The following CRYL1 variants were observed in gnomAD, a reference collection of about 807,000 sequenced individuals.
The protein encoded by CRYL1 is lambda-crystallin homolog.
In CRYL1, 29 loss-of-function variants were observed where a neutral mutation model predicts 36.6. That is an observed-to-expected ratio of 0.79 (90% confidence interval 0.59 to 1.08). The LOEUF is 1.08. Among genes scored for constraint, CRYL1 ranks in the 50% least tolerant of loss-of-function variants. The pLI, the probability that CRYL1 is intolerant of heterozygous loss-of-function variation, is 0.00. For synonymous variants in CRYL1, 152 were observed against 151.5 expected, an observed-to-expected ratio of 1.00 and a Z score of -0.02; for missense variants, 411 against 407.9, an observed-to-expected ratio of 1.01 and a Z score of -0.06.
chr13:20,443,281 C>G (rs2032384522), intron 3 of CRYL1, among the ~76,000 whole-genome samples: 1 of 152,150 alleles, frequency 6.6e-6, no homozygotes, highest in South Asian at 2.1e-4. Flanking sequence ...AGTTTAGCCA[C>G]TTGCTTATGC....
intron 2 of CRYL1, among the ~76,000 whole-genome samples, chr13:20,510,922 T>C (rs947999626): frequency 6.6e-6 from 1 of 152,136 alleles, no homozygotes; most frequent in African/African-American, 2.4e-5. Context: ...AAAAAAAGAC[T>C]GTGTCTACAT....
chr13:20,467,825 C>G (rs963686424), intron 3 of CRYL1, among the ~76,000 whole-genome samples: 8 of 152,156 alleles, frequency 5.3e-5, no homozygotes, highest in Non-Finnish European at 1.2e-4. Flanking sequence ...CTGCAACGCC[C>G]GGTGCCTCAG....
At chr13:20,461,969 GCAGCC>G in intron 3 of CRYL1, among the ~76,000 whole-genome samples, 1 of 127,052 alleles carries the variant, frequency 7.9e-6, no homozygotes, top group Admixed American at 7.9e-5. Flanking sequence ...AGGTGGGAGG[GCAGCC>G]TGGGGGAGGA....
intron 5 of CRYL1, chr13:20,430,118 C>T (rs1339703735): frequency 1.2e-6 from 1 of 850,560 alleles, no homozygotes; most frequent in Non-Finnish European, 1.4e-6. Context: ...TCCCACCCCA[C>T]CCCTGCCAGG....
intron 1 of CRYL1, among the ~76,000 whole-genome samples, chr13:20,522,441 C>G (rs2034111905): frequency 6.6e-6 from 1 of 151,942 alleles, no homozygotes; most frequent in African/African-American, 2.4e-5. Flanking sequence ...TTCTTTCTTG[C>G]CTTTCTAGTT....
chr13:20,493,548 T>A (rs1311795633), intron 2 of CRYL1, among the ~76,000 whole-genome samples: 1 of 152,118 alleles, frequency 6.6e-6, no homozygotes, highest in Non-Finnish European at 1.5e-5. Flanking sequence ...TAATCCCAGC[T>A]ACTTAGGAGG....
chr13:20,449,936 A>G (rs2032533498), intron 3 of CRYL1, among the ~76,000 whole-genome samples: 1 of 152,220 alleles, frequency 6.6e-6, no homozygotes, highest in African/African-American at 2.4e-5. Flanking sequence ...GCCACAAGAA[A>G]TCACAGATAA....
chr13:20,403,936 G>C lies in CRYL1; in HGVS notation c.*193C>G, dbSNP rs1375827693. 2.4e-6 allele frequency: 1 copy of C among 421,286 alleles called. No individual in the cohort carries two copies. Among genetic ancestry groups the C allele is most frequent in the Non-Finnish European group, 4.2e-6 (1 of 237,304 alleles). The allele number at this position is 421,286 out of a possible 1,614,324, so 26.1% of individuals were successfully genotyped here. A position where few individuals can be genotyped will look rare whatever the true frequency, so the allele number is the denominator to read the frequency against. ...CCGAGAACGCAAGTGCTGCTGTGCCGCCAGGCCCAGGGCTATGATCCAAAG... is the reference window on the plus strand; with the variant it reads ...CCGAGAACGCAAGTGCTGCTGTGCCCCCAGGCCCAGGGCTATGATCCAAAG... On this transcript the variant is annotated 3_prime_UTR_variant, in exon 8 of 8. Transcript: ENST00000298248.
chr13:20,437,452 C>T (rs975090692), intron 4 of CRYL1, among the ~76,000 whole-genome samples: 7 of 152,096 alleles, frequency 4.6e-5, no homozygotes, highest in Non-Finnish European at 8.8e-5. Flanking sequence ...GGACTACAGG[C>T]GACCGCCACC....
Position 20,404,032 on chromosome 13 carries a change from T to C in CRYL1, c.*97A>G. 1 of 822,422 alleles carries C rather than the reference T, an allele frequency of 1.2e-6. No individual in the cohort carries two copies. The highest frequency in any genetic ancestry group is 2.0e-6 in the Non-Finnish European group (1 of 491,248). The allele number at this position is 822,422 out of a possible 1,614,324, so 50.9% of individuals were successfully genotyped here. ...CAAGACAGCCAGCTTAGGATCTCCG[T>C]GGGCTGCTACCTATGTCACAGAGGG... On this transcript the variant is annotated 3_prime_UTR_variant, in exon 8 of 8. Transcript: ENST00000298248.
intron 5 of CRYL1, among the ~76,000 whole-genome samples, chr13:20,413,947 G>C (rs996692831): frequency 6.6e-6 from 1 of 152,064 alleles, no homozygotes; most frequent in African/African-American, 2.4e-5. Flanking sequence ...GGCTGAGGTG[G>C]GGGATCACCT....
In CRYL1 at chr13:20,512,520, C is replaced by T; in HGVS notation, c.72G>A (p.Leu24=). The T allele has an allele frequency of 6.2e-7, 1 of 1,614,036 alleles. No homozygotes were observed. Among genetic ancestry groups the T allele is most frequent in the East Asian group, 2.2e-5 (1 of 44,888 alleles). Residue 24 remains leucine (L), a synonymous_variant, in exon 2 of 8, where the codon CTG becomes CTA. Transcript: ENST00000298248. ...SGVIGRSWAM[L]FASGGFQVKL... ...TCACCTGGAAGCCTCCACTGGCAAA[C>T]AGCATGGCCCAGCTTCGCCCAATGA...
rs1371346952 is a variant in CRYL1 at position 20,525,347 on chromosome 13, G to A, written c.41+407C>T. On this transcript the variant is annotated intron_variant, in intron 1 of 7. Transcript: ENST00000298248. The surrounding 1 kb of genome is among the most constrained non-coding windows in gnomAD (Gnocchi z 4.3). ...GTCTCAGTATTCTCATTCGTAAAAT[G>A]GGGATGAGAACACAGTCGTCGCAGG... Among the ~76,000 whole-genome samples the A allele has an allele frequency of 1.3e-5, 2 of 152,350 alleles. No individual in the cohort carries two copies. Among genetic ancestry groups the A allele is most frequent in the East Asian group, 3.9e-4 (2 of 5,188 alleles).
chr13:20,416,068 G>A (rs1004240993), intron 5 of CRYL1, among the ~76,000 whole-genome samples: 1 of 152,170 alleles, frequency 6.6e-6, no homozygotes, highest in African/African-American at 2.4e-5. Flanking sequence ...TCACTGCGGC[G>A]CCCCGGCCTC....
intron 3 of CRYL1, among the ~76,000 whole-genome samples, chr13:20,470,446 G>A (rs1008557071): frequency 9.2e-5 from 14 of 152,204 alleles, no homozygotes; most frequent in Admixed American, 2.0e-4. Flanking sequence ...CAGTGACATC[G>A]TCCAATCTTC....
intron 3 of CRYL1, among the ~76,000 whole-genome samples, chr13:20,467,441 G>A (rs1465674814): frequency 1.3e-5 from 2 of 152,088 alleles, no homozygotes; most frequent in Non-Finnish European, 2.9e-5. Context: ...CCTTAAATTG[G>A]ATGGATATAC....
At chr13:20,454,846 C>T (rs1202322896) in intron 3 of CRYL1, among the ~76,000 whole-genome samples, 2 of 151,728 alleles carry the variant, frequency 1.3e-5, no homozygotes, top group African/African-American at 2.4e-5. Flanking sequence ...AGGCTTTCCT[C>T]CTTAACATTG....
Position 20,483,983 on chromosome 13 carries a change from A to AT in CRYL1, c.276+5386dup, listed in dbSNP as rs1348449753. ...AGGTGCCCACCACCACACCTGGCTA[A>AT]TTTTTTGTATTTTTAGTAGAGACAG... On this transcript the variant is annotated intron_variant, in intron 3 of 7. Coordinates refer to ENST00000298248, the MANE Select transcript of CRYL1 (RefSeq NM_015974.3). Among the ~76,000 whole-genome samples, 9 of 152,168 alleles carry AT rather than the reference A, an allele frequency of 5.9e-5. No individual in the cohort carries two copies. The South Asian group carries it at 6.2e-4, about 11-fold the overall frequency.
Position 20,435,900 on chromosome 13 carries a change from C to G in CRYL1, c.439-3604G>C, listed in dbSNP as rs1026476743. Among the ~76,000 whole-genome samples, 1 of 152,148 alleles carries G rather than the reference C, an allele frequency of 6.6e-6. No individual in the cohort carries two copies. The highest frequency in any genetic ancestry group is 1.9e-4 in the East Asian group (1 of 5,156). On this transcript the variant is annotated intron_variant, in intron 4 of 7. Transcript: ENST00000298248. This position sits in a 1 kb window ranked among gnomAD's most constrained non-coding sequence, Gnocchi z 4.0. ...CGGGCTGGGGCCTCTTGCCAGCCCT[C>G]GGTGTTCGATGCTTCATGGGTAGCC...
Sources: gnomAD v4.1 joint callset for allele counts (sites outside exome capture counted in the v4.1 genomes callset) on GRCh38, gnomAD v4.1.1 for gene constraint, Gnocchi (gnomAD v3.1) non-coding constraint, MANE v1.5 for transcripts, NCBI Gene and HGNC (gene_info 2026-07-23, HGNC 2026-07-21) for gene names.